OPRM1: variants seen among roughly 807,000 people sequenced by gnomAD.
OPRM1 encodes opioid receptor mu 1.
In OPRM1, 27 loss-of-function variants were observed where a neutral mutation model predicts 31.8. The ratio of observed to expected loss-of-function variants is 0.85; its 90% CI spans 0.63 to 1.17. The LOEUF (loss-of-function observed/expected upper bound fraction) is 1.17, where lower values mean the gene tolerates loss of function less well. Among genes scored for constraint, OPRM1 ranks in the 50% most tolerant of loss-of-function variants. The pLI, the probability that OPRM1 is intolerant of heterozygous loss-of-function variation, is 0.00. For missense variants in OPRM1, 536 were observed against 511.1 expected (o/e 1.05, Z -0.47); for synonymous variants, 196 against 189.9 (o/e 1.03, Z -0.26).
chr6:154,114,792 A>G (rs1796694004), intron 3 of OPRM1, among the ~76,000 whole-genome samples: 1 of 151,660 alleles, frequency 6.6e-6, no homozygotes, highest in Admixed American at 6.6e-5. Flanking sequence ...TGCTACATTG[A>G]GATATTACAT....
intron 1 of OPRM1, among the ~76,000 whole-genome samples, chr6:154,068,610 T>C (rs1186757605): frequency 6.6e-6 from 1 of 152,222 alleles, no homozygotes; most frequent in East Asian, 1.9e-4. Context: ...CATATATTAA[T>C]GGACACTGAG....
At chr6:154,052,097 T>C (rs929169984) in intron 1 of OPRM1, among the ~76,000 whole-genome samples, 1 of 152,124 alleles carries the variant, frequency 6.6e-6, no homozygotes, top group Non-Finnish European at 1.5e-5. Context: ...AAACACTGCA[T>C]GTTCTCACTC....
intron 3 of OPRM1, among the ~76,000 whole-genome samples, chr6:154,238,918 T>C (rs1171099700): frequency 6.6e-6 from 1 of 151,342 alleles, no homozygotes; most frequent in Non-Finnish European, 1.5e-5. Flanking sequence ...GATTCTATAT[T>C]GTTGTTTTTT....
At chr6:154,152,344 A>G (rs868538514) in intron 3 of OPRM1, among the ~76,000 whole-genome samples, 56 of 11,376 alleles carry the variant, frequency 4.9e-3, no homozygotes, top group Non-Finnish European at 7.1e-3. Flanking sequence ...AGAAAGAAAG[A>G]AAGGAAAGAA....
At chr6:154,195,976 G>A (rs964474241) in intron 3 of OPRM1, among the ~76,000 whole-genome samples, 1 of 151,778 alleles carries the variant, frequency 6.6e-6, no homozygotes, top group African/African-American at 2.4e-5. Flanking sequence ...ATTTTTAGTA[G>A]AGACAGGGTT....
chr6:154,186,658 G>T, intron 3 of OPRM1, among the ~76,000 whole-genome samples: 1 of 151,976 alleles, frequency 6.6e-6, no homozygotes, highest in Non-Finnish European at 1.5e-5. Context: ...CCGGGTTCGC[G>T]CCATTCTCCT....
At chr6:154,112,180 A>G (rs1266078891) in intron 3 of OPRM1, among the ~76,000 whole-genome samples, 2 of 152,222 alleles carry the variant, frequency 1.3e-5, no homozygotes, top group South Asian at 2.1e-4. Context: ...TCAAATGTCA[A>G]ATCTACTAAC....
chr6:154,180,414 A>ATATATATATATATATATTTTTTTT (rs1241250621), intron 3 of OPRM1, among the ~76,000 whole-genome samples: 1 of 65,266 alleles, frequency 1.5e-5, no homozygotes, highest in African/African-American at 4.8e-5. Flanking sequence ...ATATATATAT[A>ATATATATATATATATATTTTTTTT]TTTTTTTTTT....
At chr6:154,151,692 T>C (rs1221753387) in intron 3 of OPRM1, among the ~76,000 whole-genome samples, 1 of 151,086 alleles carries the variant, frequency 6.6e-6, no homozygotes, top group Non-Finnish European at 1.5e-5. Context: ...AGGCACCCTG[T>C]TTGCCTGGGA....
In OPRM1 at chr6:154,131,013, G is replaced by A. The variant is rs1797866803; in HGVS notation, c.*12292G>A. 6.6e-6 allele frequency among the ~76,000 whole-genome samples: 1 copy of A among 151,952 alleles called. No homozygotes were observed. The highest frequency in any genetic ancestry group is 1.5e-5 in the Non-Finnish European group (1 of 67,988). ...TTTTAAAAAATTGAAAAACTACTCT[G>A]TCAAACATAGCAAATAGGAAAGTTA... On this transcript the variant is annotated 3_prime_UTR_variant, in exon 4 of 4. Transcript: ENST00000330432.
intron 3 of OPRM1, among the ~76,000 whole-genome samples, chr6:154,190,266 AC>A (rs1801754360): frequency 6.6e-6 from 1 of 152,150 alleles, no homozygotes; most frequent in South Asian, 2.1e-4. Context: ...TCAAAAGAAA[AC>A]AAAAAGCTAA....
At chr6:154,213,086 A>C (rs1327561547) in intron 3 of OPRM1, 3 of 500,808 alleles carry the variant, frequency 6.0e-6, no homozygotes, top group Non-Finnish European at 1.1e-5. Context: ...TGCAGGAAGA[A>C]GACAAATCGT....
intron 3 of OPRM1, among the ~76,000 whole-genome samples, chr6:154,202,673 T>A (rs1257788792): frequency 2.0e-5 from 3 of 152,188 alleles, no homozygotes; most frequent in African/African-American, 7.2e-5. Flanking sequence ...TCTGTAAGGT[T>A]TATTGAACCT....
At chr6:154,096,878 C>G (rs191419855) in intron 3 of OPRM1, among the ~76,000 whole-genome samples, 29 of 152,288 alleles carry the variant, frequency 1.9e-4, no homozygotes, top group African/African-American at 6.5e-4. Flanking sequence ...TTCTTAAGAA[C>G]TGCTCTAATA....
At chr6:154,107,993 C>A in intron 3 of OPRM1, 2 of 605,750 alleles carry the variant, frequency 3.3e-6, no homozygotes, top group Non-Finnish European at 6.0e-6. Context: ...ATTTTATTGC[C>A]ATTCATTCAA....
chr6:154,212,722 T>C, intron 3 of OPRM1: 1 of 1,232,530 alleles, frequency 8.1e-7, no homozygotes, highest in Non-Finnish European at 1.2e-6. Flanking sequence ...AGAAATGACA[T>C]CCACATGTCT....
intron 1 of OPRM1, among the ~76,000 whole-genome samples, chr6:154,081,167 A>C (rs1322036966): frequency 6.6e-6 from 1 of 152,264 alleles, no homozygotes; most frequent in Non-Finnish European, 1.5e-5. Context: ...GTTGTGAGTC[A>C]GTTTACATAG....
intron 3 of OPRM1, among the ~76,000 whole-genome samples, chr6:154,184,806 C>A (rs1313978096): frequency 2.0e-5 from 3 of 151,916 alleles, no homozygotes; most frequent in Non-Finnish European, 4.4e-5. Flanking sequence ...AGTATAGTAT[C>A]TTTCTAGATT....
chr6:154,209,970 A>G (rs887046553), intron 3 of OPRM1, among the ~76,000 whole-genome samples: 1 of 152,236 alleles, frequency 6.6e-6, no homozygotes, highest in African/African-American at 2.4e-5. Flanking sequence ...ATTTAAAGAT[A>G]CTTCTGAGTT....
Sources: gnomAD v4.1 joint callset for allele counts (sites outside exome capture counted in the v4.1 genomes callset) on GRCh38, gnomAD v4.1.1 for gene constraint, MANE v1.5 for transcripts, NCBI Gene and HGNC (gene_info 2026-07-23, HGNC 2026-07-21) for gene names.